UNC5D: variants seen among roughly 807,000 people sequenced by gnomAD.
UNC5D encodes the protein netrin receptor UNC5D.
Under a neutral mutation model 105.4 loss-of-function variants are expected in UNC5D, and 39 were observed. The ratio of observed to expected loss-of-function variants is 0.37; its 90% CI spans 0.29 to 0.48. UNC5D has a LOEUF of 0.48. Among genes scored for constraint, UNC5D ranks in the 20% least tolerant of loss-of-function variants. UNC5D has a pLI of 0.98. For missense variants in UNC5D, 991 were observed against 1,202.4 expected, an observed-to-expected ratio of 0.82 and a Z score of 2.60; for synonymous variants, 452 against 450.4, an observed-to-expected ratio of 1.00 and a Z score of -0.04.
At chr8:35,756,947 G>A (rs1830547974) in intron 13 of UNC5D, among the ~76,000 whole-genome samples, 1 of 152,154 alleles carries the variant, frequency 6.6e-6, no homozygotes. Context: ...ACTTAGAAGA[G>A]TTGCTGTTAT....
At chr8:35,576,200 T>C (rs751425071) in intron 3 of UNC5D, among the ~76,000 whole-genome samples, 3 of 152,192 alleles carry the variant, frequency 2.0e-5, no homozygotes, top group Non-Finnish European at 4.4e-5. Context: ...AAATCAAGCA[T>C]GGAACTCTGT....
At position 35,731,022 on chromosome 8, in the gene UNC5D, A is replaced by T; in HGVS notation, c.1692A>T (p.Leu564Phe). The T allele has an allele frequency of 6.2e-7, 1 of 1,613,872 alleles. No homozygotes were observed. The highest frequency in any genetic ancestry group is 8.5e-7 in the Non-Finnish European group (1 of 1,179,838). Reference sequence around the variant, plus strand: ...CTTTTTCTGTTTTAGGGGTGAGCTTACTCATACCACACGGTGCCATCCCAG... The same window carrying T: ...CTTTTTCTGTTTTAGGGGTGAGCTTTCTCATACCACACGGTGCCATCCCAG... ...RLVMPNTGVSLLIPHGAIPEE... is the reference protein window; with the variant it reads ...RLVMPNTGVSFLIPHGAIPEE... Residue 564 changes from leucine to phenylalanine, a missense_variant, in exon 11 of 17, where the codon TTA becomes TTT. Leu to Phe is a conservative substitution (Grantham distance 22). This residue lies in a region of UNC5D where 944 missense variants were observed against 1,131.6 expected (regional missense o/e 0.83). Transcript: ENST00000404895.
chr8:35,565,620 G>T (rs1817279809), intron 2 of UNC5D, among the ~76,000 whole-genome samples: 1 of 151,996 alleles, frequency 6.6e-6, no homozygotes, highest in African/African-American at 2.4e-5. Context: ...ATTTGCTTTT[G>T]GTTCTTAGTC....
chr8:35,554,297 T>G lies in UNC5D; in HGVS notation c.322+4787T>G, dbSNP rs151243032. 6.2e-3 allele frequency among the ~76,000 whole-genome samples: 946 copies of G among 152,338 alleles called. 8 individuals are homozygous for G. The highest frequency in any genetic ancestry group is 0.022 in the African/African-American group (897 of 41,580). ...AAAACCCAGAGCTAGAGTTCTTTCC[T>G]GCAAAAAGTACAATTTATTTGACAT... On this transcript the variant is annotated intron_variant, in intron 2 of 16. Coordinates refer to ENST00000404895, the MANE Select transcript of UNC5D (RefSeq NM_080872.4).
intron 4 of UNC5D, among the ~76,000 whole-genome samples, chr8:35,615,937 G>A (rs1385856439): frequency 6.6e-6 from 1 of 152,124 alleles, no homozygotes; most frequent in Admixed American, 6.5e-5. Context: ...CATATACATG[G>A]ACTCATCCGA....
chr8:35,563,872 A>AT (rs1354628583), intron 2 of UNC5D, among the ~76,000 whole-genome samples: 1 of 151,446 alleles, frequency 6.6e-6, no homozygotes, highest in Non-Finnish European at 1.5e-5. Flanking sequence ...TTAAATGATC[A>AT]TTTTTTCTTA....
intron 4 of UNC5D, among the ~76,000 whole-genome samples, chr8:35,632,192 G>T (rs2131083696): frequency 6.6e-6 from 1 of 152,298 alleles, no homozygotes; most frequent in South Asian, 2.1e-4. Context: ...TTCATTTGGG[G>T]CAGAAAAGTT....
At chr8:35,273,603 C>A in intron 1 of UNC5D, among the ~76,000 whole-genome samples, 1 of 152,276 alleles carries the variant, frequency 6.6e-6, no homozygotes, top group Non-Finnish European at 1.5e-5. Context: ...AGGTGGATTT[C>A]AGAAGTATTT....
At chr8:35,308,498 TA>T (rs1442595334) in intron 1 of UNC5D, among the ~76,000 whole-genome samples, 1 of 152,148 alleles carries the variant, frequency 6.6e-6, no homozygotes, top group Non-Finnish European at 1.5e-5. Context: ...ATTTTTGAAA[TA>T]AAAACTTTGA....
chr8:35,572,873 G>C (rs993656501), intron 3 of UNC5D, among the ~76,000 whole-genome samples: 1 of 150,808 alleles, frequency 6.6e-6, no homozygotes, highest in African/African-American at 2.4e-5. Flanking sequence ...GTGCGATCTG[G>C]GCTCACTGCA....
chr8:35,458,500 A>G (rs532695040), intron 1 of UNC5D, among the ~76,000 whole-genome samples: 1 of 152,222 alleles, frequency 6.6e-6, no homozygotes, highest in African/African-American at 2.4e-5. Flanking sequence ...AGAATCTTTA[A>G]TTAATAGCAT....
chr8:35,374,521 G>A (rs1383971212), intron 1 of UNC5D, among the ~76,000 whole-genome samples: 4 of 152,194 alleles, frequency 2.6e-5, no homozygotes, highest in African/African-American at 9.6e-5. Context: ...GTTGCTCACA[G>A]GAATGAGACT....
At chr8:35,599,553 T>C (rs1171497198) in intron 4 of UNC5D, among the ~76,000 whole-genome samples, 1 of 152,194 alleles carries the variant, frequency 6.6e-6, no homozygotes, top group Non-Finnish European at 1.5e-5. Flanking sequence ...TAAATACTTA[T>C]TGAATATGAA....
chr8:35,332,570 G>A (rs115289103), intron 1 of UNC5D, among the ~76,000 whole-genome samples: 1 of 152,202 alleles, frequency 6.6e-6, no homozygotes, highest in Non-Finnish European at 1.5e-5. Flanking sequence ...GACCATGATA[G>A]TTTCATGTGG....
intron 1 of UNC5D, among the ~76,000 whole-genome samples, chr8:35,459,421 T>C (rs965791558): frequency 6.6e-6 from 1 of 152,218 alleles, no homozygotes; most frequent in South Asian, 2.1e-4. Flanking sequence ...GGTGAAATGT[T>C]ATTGAAGTAT....
intron 11 of UNC5D, among the ~76,000 whole-genome samples, chr8:35,738,074 C>G (rs144891190): frequency 6.6e-6 from 1 of 152,226 alleles, no homozygotes; most frequent in Non-Finnish European, 1.5e-5. Flanking sequence ...CCATTGCACT[C>G]CAGCCTGGGC....
intron 11 of UNC5D, among the ~76,000 whole-genome samples, chr8:35,741,794 A>C (rs928354200): frequency 2.0e-5 from 3 of 152,096 alleles, no homozygotes; most frequent in African/African-American, 7.2e-5. Context: ...TAAGAACTAC[A>C]CAACTTTTCT....
intron 1 of UNC5D, among the ~76,000 whole-genome samples, chr8:35,333,760 G>A (rs533173535): frequency 3.9e-5 from 6 of 152,284 alleles, no homozygotes; most frequent in African/African-American, 7.2e-5. Flanking sequence ...GATTACAGGC[G>A]TGAGCCACTG....
intron 1 of UNC5D, among the ~76,000 whole-genome samples, chr8:35,353,849 T>C (rs1046658807): frequency 6.6e-6 from 1 of 152,148 alleles, no homozygotes; most frequent in African/African-American, 2.4e-5. Flanking sequence ...AATGAGCATA[T>C]AATTACATAA....
Sources: allele counts gnomAD v4.1 joint callset (sites outside exome capture counted in the v4.1 genomes callset), GRCh38; gene constraint gnomAD v4.1.1; regional missense constraint gnomAD v4.1.1; transcripts MANE v1.5; gene names NCBI Gene and HGNC (gene_info 2026-07-23, HGNC 2026-07-21).